The following PCCA variants were observed in gnomAD, a reference collection of about 807,000 sequenced individuals.
PCCA encodes propionyl-CoA carboxylase subunit alpha, also known as propionyl-CoA carboxylase alpha chain, mitochondrial.
Under a neutral mutation model 101.3 loss-of-function variants are expected in PCCA, and 74 were observed. That is an observed-to-expected ratio of 0.73 (90% CI 0.61 to 0.89). The LOEUF is 0.89. Ranked by LOEUF, PCCA falls within the 40% of genes least tolerant of loss-of-function variation. PCCA has a pLI of 0.00. For synonymous variants in PCCA, 294 were observed against 313.6 expected (o/e 0.94, Z 0.66); for missense variants, 891 against 907.0 (o/e 0.98, Z 0.23).
chr13:100,100,784 C>G (rs890985008), intron 1 of PCCA, among the ~76,000 whole-genome samples: 1 of 120,454 alleles, frequency 8.3e-6, no homozygotes, highest in Non-Finnish European at 1.7e-5. Flanking sequence ...AGTTCTACTT[C>G]TTCTTTTTTT....
intron 6 of PCCA, among the ~76,000 whole-genome samples, chr13:100,177,092 C>T (rs998315284): frequency 2.0e-5 from 3 of 152,174 alleles, no homozygotes; most frequent in African/African-American, 7.2e-5. Flanking sequence ...TTAAGTTTCT[C>T]AGCCAGTTAG....
chr13:100,467,638 G>A (rs944226917), intron 21 of PCCA, among the ~76,000 whole-genome samples: 1 of 152,200 alleles, frequency 6.6e-6, no homozygotes, highest in African/African-American at 2.4e-5. Context: ...CCAAAGTGCT[G>A]GGATTACAGG....
chr13:100,458,386 A>ACACACACG (rs2081923788), intron 21 of PCCA, among the ~76,000 whole-genome samples: 1 of 132,214 alleles, frequency 7.6e-6, no homozygotes, highest in Non-Finnish European at 1.6e-5. Context: ...ACACACACAC[A>ACACACACG]CGCACATATA....
At chr13:100,250,669 C>T (rs574346134) in intron 8 of PCCA, among the ~76,000 whole-genome samples, 3 of 151,974 alleles carry the variant, frequency 2.0e-5, no homozygotes, top group Admixed American at 6.6e-5. Context: ...GCATCTTTAC[C>T]TATCTCTTAA....
At chr13:100,390,756 T>C (rs1048808846) in intron 19 of PCCA, among the ~76,000 whole-genome samples, 12 of 152,148 alleles carry the variant, frequency 7.9e-5, no homozygotes, top group African/African-American at 2.9e-4. Context: ...TCCATTGGAT[T>C]TAGTGAAAAT....
intron 6 of PCCA, among the ~76,000 whole-genome samples, chr13:100,180,916 T>G (rs376998184): frequency 6.6e-6 from 1 of 152,224 alleles, no homozygotes; most frequent in South Asian, 2.1e-4. Context: ...ATTCAGGGAT[T>G]AATCAAGGCT....
At chr13:100,159,396 GCTT>G (rs1436747575) in intron 6 of PCCA, among the ~76,000 whole-genome samples, 3 of 151,996 alleles carry the variant, frequency 2.0e-5, no homozygotes, top group Non-Finnish European at 4.4e-5. Flanking sequence ...GCCAAAAAAT[GCTT>G]CTTTAAAGTC....
At chr13:100,507,583 C>T (rs563435345) in intron 21 of PCCA, among the ~76,000 whole-genome samples, 39 of 152,324 alleles carry the variant, frequency 2.6e-4, no homozygotes, top group African/African-American at 9.4e-4. Context: ...TACAAGGTAA[C>T]CTCAGTGCAA....
At chr13:100,093,895 C>T (rs922476157) in intron 1 of PCCA, among the ~76,000 whole-genome samples, 4 of 152,030 alleles carry the variant, frequency 2.6e-5, no homozygotes, top group African/African-American at 4.8e-5. Context: ...GCTGTGATCA[C>T]ACCAATGTAC....
rs188032451 is a variant in PCCA, at chr13:100,198,795, G to A, written c.469-10537G>A. Among the ~76,000 whole-genome samples, 341 of 151,936 alleles carry A rather than the reference G, an allele frequency of 2.2e-3. 5 individuals are homozygous for A. Among genetic ancestry groups the A allele is most frequent in the Admixed American group, 0.017 (266 of 15,262 alleles). Reference sequence around the variant, plus strand: ...ATTACAGGAGTGAGCCACCACACCCGGTCTGCAGTTGCCACATTTAACCTT... The same window carrying A: ...ATTACAGGAGTGAGCCACCACACCCAGTCTGCAGTTGCCACATTTAACCTT... On this transcript the variant is annotated intron_variant, in intron 6 of 23. Coordinates refer to ENST00000376285, the MANE Select transcript of PCCA (RefSeq NM_000282.4).
chr13:100,466,617 G>T lies in PCCA; in HGVS notation c.1899+17312G>T, dbSNP rs185956254. On this transcript the variant is annotated intron_variant, in intron 21 of 23. Coordinates refer to ENST00000376285, the MANE Select transcript of PCCA (RefSeq NM_000282.4). ...TTAGGGGTTAGGGAAAGAATTAGTG[G>T]ATAGGTTCTAACAATTACCCTTCTG... Among the ~76,000 whole-genome samples the T allele has an allele frequency of 2.7e-3, 407 of 152,256 alleles. 4 individuals are homozygous for T. Among genetic ancestry groups the T allele is most frequent in the Admixed American group, 4.8e-3 (73 of 15,288 alleles).
chr13:100,506,265 A>C (rs1266229536), intron 21 of PCCA, among the ~76,000 whole-genome samples: 1 of 151,838 alleles, frequency 6.6e-6, no homozygotes, highest in Non-Finnish European at 1.5e-5. Flanking sequence ...GGGTGCCAGC[A>C]GTCCTCCTTG....
chr13:100,237,650 T>A (rs2060880506), intron 8 of PCCA, among the ~76,000 whole-genome samples: 1 of 152,172 alleles, frequency 6.6e-6, no homozygotes, highest in South Asian at 2.1e-4. Context: ...CTGTCAGACA[T>A]CTTTACATTT....
chr13:100,462,564 T>C (rs2082238324), intron 21 of PCCA, among the ~76,000 whole-genome samples: 1 of 152,144 alleles, frequency 6.6e-6, no homozygotes, highest in South Asian at 2.1e-4. Flanking sequence ...TTTGTTTCTT[T>C]TATTGATAAA....
intron 6 of PCCA, among the ~76,000 whole-genome samples, chr13:100,194,134 C>G (rs1034792729): frequency 6.6e-6 from 1 of 151,604 alleles, no homozygotes; most frequent in African/African-American, 2.4e-5. Flanking sequence ...TTGAAATAAG[C>G]TTTATAATGT....
intron 4 of PCCA, among the ~76,000 whole-genome samples, chr13:100,137,949 A>G (rs1251154569): frequency 6.6e-6 from 1 of 151,510 alleles, no homozygotes; most frequent in East Asian, 1.9e-4. Flanking sequence ...AACTGGGAAC[A>G]CCTCTAGCTA....
chr13:100,150,967 G>A, intron 4 of PCCA: 12 of 1,516,044 alleles, frequency 7.9e-6, no homozygotes, highest in Non-Finnish European at 1.1e-5. Flanking sequence ...TATCAGGCTG[G>A]GTGGGGCGGA....
intron 21 of PCCA, among the ~76,000 whole-genome samples, chr13:100,453,856 A>T (rs1321537524): frequency 1.3e-5 from 2 of 152,022 alleles, no homozygotes; most frequent in Non-Finnish European, 2.9e-5. Flanking sequence ...TGTCTTTTTG[A>T]TTTGTTTTGT....
At chr13:100,113,550 T>C (rs1194451131) in intron 4 of PCCA, among the ~76,000 whole-genome samples, 2 of 151,952 alleles carry the variant, frequency 1.3e-5, no homozygotes, top group Admixed American at 6.6e-5. Context: ...TTATAAACTT[T>C]TAAATTTTGT....
Sources: gnomAD v4.1 joint callset for allele counts (sites outside exome capture counted in the v4.1 genomes callset) on GRCh38, gnomAD v4.1.1 for gene constraint, MANE v1.5 for transcripts, NCBI Gene and HGNC (gene_info 2026-07-23, HGNC 2026-07-21) for gene names.